Variants in NF1 observed in about 807,000 individuals in gnomAD.
The protein encoded by NF1 is neurofibromin.
In NF1, 122 loss-of-function variants were observed where a neutral mutation model predicts 325.7. The ratio of observed to expected loss-of-function variants is 0.37; its 90% CI spans 0.32 to 0.44. NF1 has a LOEUF of 0.44. Ranked by LOEUF, NF1 falls within the 20% of genes least tolerant of loss-of-function variation. NF1 has a pLI of 1.00. For missense variants in NF1, 2,140 were observed against 3,415.4 expected, an observed-to-expected ratio of 0.63 and a Z score of 9.31; for synonymous variants, 1,091 against 1,186.0, an observed-to-expected ratio of 0.92 and a Z score of 1.65.
chr17:31,294,334 T>C (rs574108759), intron 36 of NF1, among the ~76,000 whole-genome samples: 101 of 152,358 alleles, frequency 6.6e-4, no homozygotes, highest in African/African-American at 2.3e-3. Context: ...ACTTTTCTTA[T>C]TAAAATGCAA....
intron 16 of NF1, 72 bp from the exon 17 acceptor site, chr17:31,225,023 C>G (rs2144024622): frequency 1.3e-6 from 2 of 1,543,200 alleles, no homozygotes; most frequent in Non-Finnish European, 1.8e-6. Flanking sequence ...AACAGGAAGA[C>G]AACTCAAATA....
chr17:31,212,421 A>G (rs1401652384), intron 12 of NF1, among the ~76,000 whole-genome samples: 1 of 152,248 alleles, frequency 6.6e-6, no homozygotes, highest in Non-Finnish European at 1.5e-5. Context: ...AAAGTATACT[A>G]TAGTAGGCTG....
intron 35 of NF1, among the ~76,000 whole-genome samples, chr17:31,262,970 G>T (rs17886160): frequency 0.081 from 12,355 of 151,990 alleles, 686 homozygotes; most frequent in Non-Finnish European, 0.12. Flanking sequence ...ATTGCTGGAG[G>T]CCAGGAGTTC....
At chr17:31,301,823 C>A (rs1224692289) in intron 36 of NF1, among the ~76,000 whole-genome samples, 1 of 152,170 alleles carries the variant, frequency 6.6e-6, no homozygotes, top group African/African-American at 2.4e-5. Context: ...CTGGTTAATG[C>A]TATTTTGGTT....
rs1470038177 is a variant in NF1 at position 31,287,579 on chromosome 17, A to G, written c.4835+22240A>G. ...GTGTGTGTGTGTGTGTGTGTGTGTG[A>G]CACAGGGTGTGGCTTTGTCACCCAG... On this transcript the variant is annotated intron_variant, in intron 36 of 57. Transcript: ENST00000358273. Among the ~76,000 whole-genome samples the G allele has an allele frequency of 2.7e-5, 3 of 111,726 alleles. No homozygotes were observed. In the East Asian group the frequency reaches 6.7e-4, roughly 25 times the overall value. The allele number at this position is 111,726 out of a possible 152,430, so 73.3% of individuals were successfully genotyped here.
chr17:31,165,205 T>G (rs948694951), intron 4 of NF1, among the ~76,000 whole-genome samples: 2 of 152,216 alleles, frequency 1.3e-5, no homozygotes, highest in African/African-American at 4.8e-5. Context: ...TTTTGCAGCA[T>G]TAGCACATGT....
chr17:31,195,848 C>T (rs1333379124), intron 8 of NF1, among the ~76,000 whole-genome samples: 1 of 151,874 alleles, frequency 6.6e-6, no homozygotes, highest in African/African-American at 2.4e-5. Flanking sequence ...ATGGATTTTT[C>T]AGTTGTTTCC....
chr17:31,360,310 CCT>C (rs2070368924), intron 56 of NF1, 175 bp from the exon 57 acceptor site: 1 of 627,950 alleles, frequency 1.6e-6, no homozygotes, highest in Non-Finnish European at 2.8e-6. Context: ...AATAGAACTC[CCT>C]GTTGTAAGTC....
chr17:31,150,885 T>G (rs1009199218), intron 1 of NF1, among the ~76,000 whole-genome samples: 2 of 151,794 alleles, frequency 1.3e-5, no homozygotes, highest in African/African-American at 4.8e-5. Context: ...TACAAAAAAA[T>G]TAGCCAGGCA....
intron 1 of NF1, among the ~76,000 whole-genome samples, chr17:31,146,177 A>C (rs187808433): frequency 1.3e-5 from 2 of 152,140 alleles, no homozygotes; most frequent in African/African-American, 2.4e-5. Context: ...TTGGGGCCTC[A>C]GTCTTATCTG....
At position 31,191,337 on chromosome 17, in the gene NF1, A is replaced by C. The variant is rs17885633; in HGVS notation, c.888+8672A>C. Among the ~76,000 whole-genome samples, 1,439 of 152,318 alleles carry C rather than the reference A, an allele frequency of 9.4e-3. 23 individuals are homozygous for C. The highest frequency in any genetic ancestry group is 0.033 in the African/African-American group (1,356 of 41,542). On this transcript the variant is annotated intron_variant, in intron 8 of 57. Coordinates refer to ENST00000358273, the MANE Select transcript of NF1 (RefSeq NM_001042492.3). ...ACCTTCACTCAAGGATGTATACTCGAGTATACATATTATTTATAATAGCGC... is the reference window on the plus strand; with the variant it reads ...ACCTTCACTCAAGGATGTATACTCGCGTATACATATTATTTATAATAGCGC...
chr17:31,297,415 A>C (rs2068490035), intron 36 of NF1: 1 of 152,228 alleles, frequency 6.6e-6, no homozygotes, highest in South Asian at 2.1e-4. Flanking sequence ...AATTTGTGGC[A>C]TCAAGCGTAC....
chr17:31,126,710 G>A (rs546556643), intron 1 of NF1, among the ~76,000 whole-genome samples: 148 of 152,168 alleles, frequency 9.7e-4, no homozygotes, highest in Non-Finnish European at 1.9e-3. Flanking sequence ...CCAAAGTGTT[G>A]AGATTGTAGA....
At chr17:31,111,234 A>G (rs779714780) in intron 1 of NF1, among the ~76,000 whole-genome samples, 12 of 152,054 alleles carry the variant, frequency 7.9e-5, no homozygotes, top group Non-Finnish European at 1.5e-4. Context: ...AAAAGAATGG[A>G]AAGAGTAGAA....
Position 31,375,814 on chromosome 17 carries a change from G to T in NF1, c.*1659G>T, listed in dbSNP as rs1339973993. On this transcript the variant is annotated 3_prime_UTR_variant, in exon 58 of 58. Coordinates refer to ENST00000358273, the MANE Select transcript of NF1 (RefSeq NM_001042492.3). ...GTAATATGTTAATGTAAATAAAATTGGTTTTGATACTCAGAAATAACAAGA... is the reference window on the plus strand; with the variant it reads ...GTAATATGTTAATGTAAATAAAATTTGTTTTGATACTCAGAAATAACAAGA... 1 of 231,936 alleles carries T rather than the reference G, an allele frequency of 4.3e-6. No individual in the cohort carries two copies. The highest frequency in any genetic ancestry group is 8.5e-6 in the Non-Finnish European group (1 of 117,254). 14.4% of individuals were successfully genotyped at this position (231,936 alleles called of 1,614,324 possible).
chr17:31,139,792 C>CA, intron 1 of NF1, among the ~76,000 whole-genome samples: 1 of 152,242 alleles, frequency 6.6e-6, no homozygotes, highest in South Asian at 2.1e-4. Flanking sequence ...AAGAAAGTAA[C>CA]AAAGTAAGGA....
In NF1 at chr17:31,374,315, A is replaced by AGCCTTGCCTAAATTTAATGCT; in HGVS notation, c.*166_*186dup. 1 of 904,912 alleles carries AGCCTTGCCTAAATTTAATGCT rather than the reference A, an allele frequency of 1.1e-6. No individual in the cohort carries two copies. The highest frequency in any genetic ancestry group is 1.7e-6 in the Non-Finnish European group (1 of 572,190). 56.1% of individuals were successfully genotyped at this position (904,912 alleles called of 1,614,324 possible). A position where few individuals can be genotyped will look rare whatever the true frequency, so the allele number is the denominator to read the frequency against. On this transcript the variant is annotated 3_prime_UTR_variant, in exon 58 of 58. Transcript: ENST00000358273. ...TGTTGCCAGATGATCAACTCTTCGA[A>AGCCTTGCCTAAATTTAATGCT]GCCTTGCCTAAATTTAATGCTGCCT... is the stretch of plus-strand genomic sequence containing the variant.
intron 14 of NF1, among the ~76,000 whole-genome samples, chr17:31,220,333 A>C (rs1789473318): frequency 6.6e-6 from 1 of 152,154 alleles, no homozygotes; most frequent in Non-Finnish European, 1.5e-5. Flanking sequence ...ATTTGTGTAC[A>C]TTGCTATTGG....
chr17:31,284,103 A>T (rs897769789), intron 36 of NF1, among the ~76,000 whole-genome samples: 1 of 151,838 alleles, frequency 6.6e-6, no homozygotes, highest in African/African-American at 2.4e-5. Context: ...GATTTTTGTT[A>T]TTGTTTGTTT....
Sources: gnomAD v4.1 joint callset for allele counts (sites outside exome capture counted in the v4.1 genomes callset) on GRCh38, gnomAD v4.1.1 for gene constraint, MANE v1.5 for transcripts, NCBI Gene and HGNC (gene_info 2026-07-23, HGNC 2026-07-21) for gene names.